The following VPS39 variants were observed in gnomAD, a reference collection of about 807,000 sequenced individuals.
VPS39 encodes VPS39 subunit of HOPS complex.
Under a neutral mutation model 121.0 loss-of-function variants are expected in VPS39, and 70 were observed. That is an observed-to-expected ratio of 0.58 (90% CI 0.48 to 0.71). VPS39 has a LOEUF of 0.71. Among genes scored for constraint, VPS39 ranks in the 30% least tolerant of loss-of-function variants. The pLI is 0.00. For missense variants in VPS39, 818 were observed against 1,051.5 expected, an observed-to-expected ratio of 0.78 and a Z score of 3.07; for synonymous variants, 378 against 398.1, an observed-to-expected ratio of 0.95 and a Z score of 0.60.
intron 11 of VPS39, among the ~76,000 whole-genome samples, chr15:42,172,988 T>C (rs1566895424): frequency 6.6e-6 from 1 of 152,172 alleles, no homozygotes. Context: ...AAAGAGGAGA[T>C]GCTAGTATGA....
intron 5 of VPS39, 87 bp from the exon 6 acceptor site, chr15:42,187,943 T>C (rs2049739284): frequency 7.7e-7 from 1 of 1,291,650 alleles, no homozygotes; most frequent in Non-Finnish European, 1.1e-6. Flanking sequence ...TACCTTGAAA[T>C]TGCTACTACT....
intron 11 of VPS39, among the ~76,000 whole-genome samples, chr15:42,173,070 T>C (rs771854425): frequency 6.6e-6 from 1 of 152,260 alleles, no homozygotes; most frequent in Non-Finnish European, 1.5e-5. Context: ...CAGTTTTGAA[T>C]ATACAGTAAT....
intron 7 of VPS39, among the ~76,000 whole-genome samples, chr15:42,186,567 C>G (rs1378564341): frequency 1.3e-5 from 2 of 152,290 alleles, no homozygotes; most frequent in East Asian, 1.9e-4. Context: ...ATGAAACGAA[C>G]AGTGTGTCAA....
chr15:42,206,438 G>A (rs1267136441), intron 1 of VPS39, among the ~76,000 whole-genome samples: 1 of 152,284 alleles, frequency 6.6e-6, no homozygotes, highest in Non-Finnish European at 1.5e-5. Flanking sequence ...ATCAAGGAAG[G>A]CCAAAAGCTA....
Position 42,187,321 on chromosome 15 carries a change from A to G in VPS39, c.484T>C (p.Cys162Arg), listed in dbSNP as rs201492134. 2 of 1,613,800 alleles carry G rather than the reference A, an allele frequency of 1.2e-6. No homozygotes were observed. Among genetic ancestry groups the G allele is most frequent in the Non-Finnish European group, 1.7e-6 (2 of 1,179,970 alleles). The change falls in exon 7 of 25, where the codon TGT becomes CGT. Residue 162 changes from cysteine to arginine, a missense_variant. Transcript: ENST00000318006. Reference sequence around the variant, plus strand: ...AAACCCACACAGATAGAATTTTCACACCACGCCATGGACTTGGGCACATCT... The same window carrying G: ...AAACCCACACAGATAGAATTTTCACGCCACGCCATGGACTTGGGCACATCT... ...VPDVPKSMAWCENSICVGFKR... is the reference protein window; with the variant it reads ...VPDVPKSMAWRENSICVGFKR...
In VPS39 at chr15:42,187,320, C is replaced by T. The variant is rs771706063; in HGVS notation, c.485G>A (p.Cys162Tyr). The T allele has an allele frequency of 6.2e-7, 1 of 1,613,802 alleles. No homozygotes were observed. Among genetic ancestry groups the T allele is most frequent in the Non-Finnish European group, 8.5e-7 (1 of 1,179,958 alleles). ...GAAACCCACACAGATAGAATTTTCA[C>T]ACCACGCCATGGACTTGGGCACATC... The part of the protein sequence containing the change: ...VPDVPKSMAW[C>Y]ENSICVGFKR... The change falls in exon 7 of 25, where the codon TGT becomes TAT. Residue 162 changes from cysteine (C) to tyrosine (Y), a missense_variant. Physicochemically the swap from Cys to Tyr is radical, Grantham distance 194 (BLOSUM62 -2). Transcript: ENST00000318006.
In VPS39 at chr15:42,162,023, C is replaced by G; in HGVS notation, c.2460+9G>C. The G allele has an allele frequency of 6.2e-7, 1 of 1,614,168 alleles. No homozygotes were observed. Among genetic ancestry groups the G allele is most frequent in the Non-Finnish European group, 8.5e-7 (1 of 1,180,016 alleles). On this transcript the variant is annotated intron_variant, in intron 23 of 24. Coordinates refer to ENST00000318006, the MANE Select transcript of VPS39 (RefSeq NM_015289.5). ...AGCCCACCCTAGAGTTTGGAAGGCC[C>G]ATACCTACCCTCAGGAATTCTGCAT...
chr15:42,185,156 A>C (rs1335321268), intron 7 of VPS39, among the ~76,000 whole-genome samples: 2 of 151,956 alleles, frequency 1.3e-5, no homozygotes, highest in Non-Finnish European at 2.9e-5. Flanking sequence ...GCTTATTCAA[A>C]ATTGCTAAAA....
intron 2 of VPS39, among the ~76,000 whole-genome samples, chr15:42,199,368 T>C (rs911618995): frequency 3.9e-5 from 6 of 152,100 alleles, no homozygotes; most frequent in African/African-American, 1.4e-4. Context: ...CCCAACAACT[T>C]TGTGGGGCAG....
intron 24 of VPS39, chr15:42,161,396 C>G: frequency 2.0e-6 from 1 of 492,512 alleles, no homozygotes; most frequent in Non-Finnish European, 3.7e-6. Flanking sequence ...AGACCTACAT[C>G]TCTTGGGCAC....
chr15:42,164,695 G>T (rs769774829), intron 18 of VPS39: 15 of 1,433,580 alleles, frequency 1.0e-5, no homozygotes, highest in Non-Finnish European at 1.4e-5. Flanking sequence ...GCTGAATAGA[G>T]AAATACTCTG....
At position 42,173,485 on chromosome 15, in the gene VPS39, G is replaced by A. The variant is rs576078293; in HGVS notation, c.1090+238C>T. Among the ~76,000 whole-genome samples, 3 of 152,322 alleles carry A rather than the reference G, an allele frequency of 2.0e-5. No individual in the cohort carries two copies. The East Asian group carries it at 5.8e-4, about 29-fold the overall frequency. On this transcript the variant is annotated intron_variant, in intron 11 of 24. Transcript: ENST00000318006. ...TTCTGCTACCTTTCTCTAATGGCAA[G>A]GGCATATCATACTGGAAAATTGGGA...
chr15:42,207,622 G>C (rs956217145), intron 1 of VPS39, among the ~76,000 whole-genome samples: 1 of 151,784 alleles, frequency 6.6e-6, no homozygotes, highest in Non-Finnish European at 1.5e-5. Context: ...TCACTAAGGG[G>C]AAAAAAAAGC....
At chr15:42,203,475 A>G (rs1006586522) in intron 1 of VPS39, among the ~76,000 whole-genome samples, 4 of 77,606 alleles carry the variant, frequency 5.2e-5, no homozygotes, top group Admixed American at 1.7e-4. Context: ...CTCTGTCTCA[A>G]AAAAAAAAAA....
chr15:42,182,691 G>A (rs1178929629), intron 8 of VPS39, among the ~76,000 whole-genome samples: 1 of 152,198 alleles, frequency 6.6e-6, no homozygotes, highest in Admixed American at 6.5e-5. Context: ...GAAAGGGTTA[G>A]GGAAGCACCA....
intron 2 of VPS39, among the ~76,000 whole-genome samples, chr15:42,195,507 A>C (rs2049918716): frequency 6.6e-6 from 1 of 152,238 alleles, no homozygotes; most frequent in African/African-American, 2.4e-5. Context: ...AAAAACCACA[A>C]GCATTCTTAT....
intron 8 of VPS39, 63 bp from the exon 9 acceptor site, chr15:42,178,633 C>G: frequency 6.3e-7 from 1 of 1,594,844 alleles, no homozygotes; most frequent in South Asian, 1.1e-5. Flanking sequence ...TGGAGTGTTT[C>G]AGCTGCCCAT....
intron 2 of VPS39, among the ~76,000 whole-genome samples, chr15:42,192,459 C>T (rs2049848814): frequency 6.6e-6 from 1 of 152,166 alleles, no homozygotes; most frequent in Admixed American, 6.5e-5. Flanking sequence ...CGCCCTGCTA[C>T]CTGCCTTCTA....
Position 42,166,773 on chromosome 15 carries a change from T to G in VPS39, c.1518A>C (p.Lys506Asn). 3.1e-6 allele frequency: 5 copies of G among 1,614,064 alleles called. No homozygotes were observed. Among genetic ancestry groups the G allele is most frequent in the Non-Finnish European group, 4.2e-6 (5 of 1,179,920 alleles). Residue 506 changes from lysine to asparagine, a missense_variant and splice_region_variant, in exon 14 of 25, where the codon AAA becomes AAC. Transcript: ENST00000318006. ...AGATCCAAGGAACCACTCCCACACC[T>G]TTCTCGTGGAGCCCCTTCTTCTCAT... Reference protein sequence around the residue: ...ILYEKKGLHEKALQVLVDQSK... With the variant: ...ILYEKKGLHENALQVLVDQSK...
Sources: allele counts gnomAD v4.1 joint callset (sites outside exome capture counted in the v4.1 genomes callset), GRCh38; gene constraint gnomAD v4.1.1; transcripts MANE v1.5; gene names NCBI Gene and HGNC (gene_info 2026-07-23, HGNC 2026-07-21).